The following MSI2 variants were observed in gnomAD, a reference collection of about 807,000 sequenced individuals.
MSI2 encodes RNA-binding protein Musashi homolog 2.
A neutral mutation model predicts 45.6 loss-of-function variants in MSI2; 17 were observed. The observed-to-expected ratio is 0.37, with a 90% CI of 0.26 to 0.56. The LOEUF (loss-of-function observed/expected upper bound fraction) is 0.56. Among genes scored for constraint, MSI2 ranks in the 20% least tolerant of loss-of-function variants. MSI2 has a pLI of 0.77. For missense variants in MSI2, 293 were observed against 444.2 expected (o/e 0.66, Z 3.06); for synonymous variants, 156 against 158.2 (o/e 0.99, Z 0.11).
intron 6 of MSI2, among the ~76,000 whole-genome samples, chr17:57,467,452 C>T (rs920986007): frequency 5.3e-5 from 8 of 151,770 alleles, no homozygotes; most frequent in South Asian, 2.1e-4. Flanking sequence ...GGCAGATGGA[C>T]GGATAGATGA....
At chr17:57,662,990 G>C (rs1245813649) in intron 11 of MSI2, among the ~76,000 whole-genome samples, 1 of 152,238 alleles carries the variant, frequency 6.6e-6, no homozygotes, top group Non-Finnish European at 1.5e-5. Flanking sequence ...AAGAAACTAG[G>C]CGATGGAGCA....
At chr17:57,275,802 AG>A (rs570576961) in intron 5 of MSI2, among the ~76,000 whole-genome samples, 90 of 152,324 alleles carry the variant, frequency 5.9e-4, no homozygotes, top group African/African-American at 2.1e-3. Flanking sequence ...GACTAATTAT[AG>A]GGAAAAAGCC....
intron 5 of MSI2, chr17:57,285,723 T>C (rs905485219): frequency 1.4e-6 from 1 of 706,166 alleles, no homozygotes; most frequent in Non-Finnish European, 2.1e-6. Flanking sequence ...TCTCCCCAAG[T>C]AGGTATTCCT....
intron 5 of MSI2, among the ~76,000 whole-genome samples, chr17:57,302,901 G>T (rs1911532273): frequency 6.6e-6 from 1 of 152,210 alleles, no homozygotes. Context: ...TTGGGGGACA[G>T]CCCCAGGCAA....
At chr17:57,520,453 T>C (rs944700402) in intron 6 of MSI2, among the ~76,000 whole-genome samples, 1 of 152,100 alleles carries the variant, frequency 6.6e-6, no homozygotes, top group Non-Finnish European at 1.5e-5. Context: ...AAGAAGTAAA[T>C]GTAGGAAAAA....
chr17:57,439,694 G>A (rs2084761249), intron 6 of MSI2, among the ~76,000 whole-genome samples: 1 of 152,124 alleles, frequency 6.6e-6, no homozygotes, highest in African/African-American at 2.4e-5. Context: ...GAGTAGCTGG[G>A]ATTACAGGCG....
chr17:57,370,904 T>C (rs952242003), intron 5 of MSI2, among the ~76,000 whole-genome samples: 2 of 152,210 alleles, frequency 1.3e-5, no homozygotes, highest in African/African-American at 4.8e-5. Flanking sequence ...TAAATGTTAA[T>C]GTTAATATTT....
At chr17:57,686,706 G>A (rs1198481997), downstream of MSI2, among the ~76,000 whole-genome samples, 4 of 152,082 alleles carry the variant, frequency 2.6e-5, no homozygotes, top group Non-Finnish European at 5.9e-5. Context: ...AAGATACAGT[G>A]GCAGTAAACT....
intron 5 of MSI2, chr17:57,264,419 G>T (rs1253985866): frequency 1.3e-5 from 2 of 151,974 alleles, no homozygotes; most frequent in East Asian, 3.9e-4. Flanking sequence ...TCACTGTGTT[G>T]CCCAGGCTGG....
At chr17:57,604,958 T>C (rs966147302) in intron 8 of MSI2, among the ~76,000 whole-genome samples, 6 of 129,676 alleles carry the variant, frequency 4.6e-5, no homozygotes, top group Non-Finnish European at 8.3e-5. Flanking sequence ...GGTGTATTTG[T>C]GTGTGGGGAG....
chr17:57,649,572 A>G (rs1889740390), intron 10 of MSI2, among the ~76,000 whole-genome samples: 1 of 152,090 alleles, frequency 6.6e-6, no homozygotes, highest in South Asian at 2.1e-4. Flanking sequence ...CTTAACACAT[A>G]CACACCCAAC....
chr17:57,510,408 TTTTG>T (rs1555616069), intron 6 of MSI2, among the ~76,000 whole-genome samples: 1 of 151,656 alleles, frequency 6.6e-6, no homozygotes, highest in Non-Finnish European at 1.5e-5. Context: ...TTGTTTTTTT[TTTTG>T]TTTGTTTGTT....
At chr17:57,551,724 G>A (rs16958521) in intron 7 of MSI2, among the ~76,000 whole-genome samples, 18,186 of 152,110 alleles carry the variant, frequency 0.12, 1,155 homozygotes, top group Middle Eastern at 0.17. Flanking sequence ...ATCCCAGTTG[G>A]CCATTTGCAT....
chr17:57,635,078 C>A (rs1909739017), intron 10 of MSI2, among the ~76,000 whole-genome samples: 2 of 152,214 alleles, frequency 1.3e-5, no homozygotes, highest in African/African-American at 4.8e-5. Flanking sequence ...AGTGGAACGG[C>A]TACTAGTAGA....
At chr17:57,547,741 T>TAC (rs34631177) in intron 7 of MSI2, among the ~76,000 whole-genome samples, 18,793 of 123,128 alleles carry the variant, frequency 0.15, 1,345 homozygotes, top group Non-Finnish European at 0.19. Flanking sequence ...AGACAAAAAG[T>TAC]ACACACACAC....
intron 5 of MSI2, among the ~76,000 whole-genome samples, chr17:57,296,509 A>T (rs1910971609): frequency 6.6e-6 from 1 of 152,186 alleles, no homozygotes; most frequent in East Asian, 1.9e-4. Flanking sequence ...CGTGTCAAAG[A>T]TTGCTTTCTT....
At chr17:57,646,847 G>C (rs59219549) in intron 10 of MSI2, among the ~76,000 whole-genome samples, 1 of 77,546 alleles carries the variant, frequency 1.3e-5, no homozygotes, top group Non-Finnish European at 2.7e-5. Context: ...TGAATATAAG[G>C]TTCCCAAACA....
intron 5 of MSI2, among the ~76,000 whole-genome samples, chr17:57,353,041 C>A (rs115879460): frequency 0.015 from 2,329 of 152,286 alleles, 60 homozygotes; most frequent in African/African-American, 0.053. Flanking sequence ...GAGAATTTCC[C>A]ACTGTGACGC....
chr17:57,267,159 A>G (rs1408441885), intron 5 of MSI2: 1 of 152,324 alleles, frequency 6.6e-6, no homozygotes, highest in African/African-American at 2.4e-5. Flanking sequence ...GGCAGCCACC[A>G]TGAACTGGCC....
Sources: allele counts gnomAD v4.1 joint callset (sites outside exome capture counted in the v4.1 genomes callset), GRCh38; gene constraint gnomAD v4.1.1; transcripts MANE v1.5; gene names NCBI Gene and HGNC (gene_info 2026-07-23, HGNC 2026-07-21).